The following C4orf50 variants were observed in gnomAD, a reference collection of about 807,000 sequenced individuals.
C4orf50 encodes uncharacterized protein C4orf50.
C4orf50 carries 80 observed loss-of-function variants against 77.2 expected under a neutral mutation model. The ratio of observed to expected loss-of-function variants is 1.04; its 90% CI spans 0.87 to 1.25. C4orf50 has a LOEUF of 1.25. Among genes scored for constraint, C4orf50 ranks in the 50% most tolerant of loss-of-function variants. The pLI, the probability that C4orf50 is intolerant of heterozygous loss-of-function variation, is 0.00. For synonymous variants in C4orf50, 532 were observed against 465.3 expected, an observed-to-expected ratio of 1.14 and a Z score of -1.84; for missense variants, 1,257 against 1,152.9, an observed-to-expected ratio of 1.09 and a Z score of -1.31.
chr4:5,991,787 C>A (rs959565107), intron 27 of C4orf50, among the ~76,000 whole-genome samples: 6 of 152,134 alleles, frequency 3.9e-5, no homozygotes, highest in African/African-American at 1.4e-4. Context: ...GGGTGACATA[C>A]CAGCAGCAGA....
intron 7 of C4orf50, among the ~76,000 whole-genome samples, chr4:5,933,744 C>G (rs542540896): frequency 1.3e-5 from 2 of 152,150 alleles, no homozygotes; most frequent in African/African-American, 4.8e-5. Context: ...AAGGTCCCCT[C>G]TGGCCCAGAC....
chr4:5,974,073 T>C (rs1720109854), intron 30 of C4orf50, among the ~76,000 whole-genome samples: 1 of 152,038 alleles, frequency 6.6e-6, no homozygotes, highest in Admixed American at 6.5e-5. Flanking sequence ...TTCCATGGGG[T>C]CTAGGCTCAA....
Position 6,009,781 on chromosome 4 carries a change from T to C in C4orf50, c.427-1249A>G, listed in dbSNP as rs1722412011. ...CAAAACTCGCTTCAAAATACAGATG[T>C]TTGCAGCGAGAGATTTAGGGTTAGA... On this transcript the variant is annotated intron_variant, in intron 24 of 33. Transcript: ENST00000531445. The surrounding 1 kb of genome is among the most constrained non-coding windows in gnomAD (Gnocchi z 5.6). Among the ~76,000 whole-genome samples, 1 of 152,184 alleles carries C rather than the reference T, an allele frequency of 6.6e-6. No individual in the cohort carries two copies. Among genetic ancestry groups the C allele is most frequent in the Non-Finnish European group, 1.5e-5 (1 of 68,034 alleles).
At chr4:6,004,403 TG>T in intron 25 of C4orf50, among the ~76,000 whole-genome samples, 2 of 91,992 alleles carry the variant, frequency 2.2e-5, no homozygotes, top group African/African-American at 8.0e-5. Flanking sequence ...GTGATGGTGA[TG>T]GAGATGTTGG....
In C4orf50 at chr4:6,011,692, C is replaced by T. The variant is rs763683822; in HGVS notation, c.426+138G>A. 2.7e-4 allele frequency: 108 copies of T among 397,268 alleles called. No individual in the cohort carries two copies. Among genetic ancestry groups the T allele is most frequent in the African/African-American group, 1.5e-3 (72 of 48,750 alleles). 24.6% of individuals were successfully genotyped at this position (397,268 alleles called of 1,614,324 possible). A position where few individuals can be genotyped will look rare whatever the true frequency, so the allele number is the denominator to read the frequency against. On this transcript the variant is annotated intron_variant, in intron 24 of 33. Coordinates refer to ENST00000531445, the Ensembl canonical transcript of C4orf50. This position sits in a 1 kb window ranked among gnomAD's most constrained non-coding sequence, Gnocchi z 4.2. ...CCGCAGTCACGCCATGCACCATGAA[C>T]GTAGGATCTCTCTAACCCTCCTGAC...
At position 5,967,477 on chromosome 4, in the gene C4orf50, A is replaced by C. The variant is rs1309230657; in HGVS notation, c.4105-15T>G. The C allele has an allele frequency of 7.4e-6, 12 of 1,613,132 alleles. No homozygotes were observed. The highest frequency in any genetic ancestry group is 1.0e-5 in the Non-Finnish European group (12 of 1,179,242). ...TGGTGGCTTGTCTGCAAGAAAAGAC[A>C]TCTTGGCGGTTATTCTGCATGGCAC... On this transcript the variant is annotated splice_polypyrimidine_tract_variant and intron_variant, in intron 31 of 33. Transcript: ENST00000531445.
rs1224082127 is a variant in C4orf50, at chr4:6,018,523, C to T, written c.-92G>A. The T allele has an allele frequency of 7.5e-6, 3 of 397,852 alleles. No individual in the cohort carries two copies. Among genetic ancestry groups the T allele is most frequent in the East Asian group, 3.6e-5 (1 of 28,066 alleles). 24.6% of individuals were successfully genotyped at this position (397,852 alleles called of 1,614,324 possible). A position where few individuals can be genotyped will look rare whatever the true frequency, so the allele number is the denominator to read the frequency against. On this transcript the variant is annotated 5_prime_UTR_variant, in exon 23 of 34. Coordinates refer to ENST00000531445, the Ensembl canonical transcript of C4orf50. The surrounding 1 kb of genome is among the most constrained non-coding windows in gnomAD (Gnocchi z 5.1). ...GGAGATTTCAAGGTGGTGTTTGTGA[C>T]TTCAGATTGTTCAGGAAAATATCCT...
chr4:5,969,591 C>T (rs1719784056), intron 31 of C4orf50, among the ~76,000 whole-genome samples: 1 of 151,908 alleles, frequency 6.6e-6, no homozygotes, highest in East Asian at 1.9e-4. Context: ...GGGAGCAAAA[C>T]TGATGTTTTG....
At chr4:6,003,839 A>G (rs1721987243) in intron 25 of C4orf50, among the ~76,000 whole-genome samples, 2 of 17,038 alleles carry the variant, frequency 1.2e-4, no homozygotes, top group Non-Finnish European at 1.0e-4. Flanking sequence ...TGATGATGTG[A>G]TAGTGATGAT....
chr4:5,939,035 A>C (rs1718155205), intron 7 of C4orf50, among the ~76,000 whole-genome samples: 1 of 152,160 alleles, frequency 6.6e-6, no homozygotes, highest in Non-Finnish European at 1.5e-5. Context: ...CGAGGTCAGG[A>C]GTTCAAGACC....
chr4:5,975,766 G>T, intron 30 of C4orf50, 133 bp downstream of exon 8: 1 of 687,574 alleles, frequency 1.5e-6, no homozygotes, highest in Non-Finnish European at 2.6e-6. Flanking sequence ...TGGGATTACA[G>T]GTGTGAGCCA....
At chr4:5,947,027 G>T (rs1662674346) in intron 7 of C4orf50, among the ~76,000 whole-genome samples, 1 of 152,192 alleles carries the variant, frequency 6.6e-6, no homozygotes, top group Admixed American at 6.5e-5. Flanking sequence ...AGCCAGGGAA[G>T]GTCACAGGCT....
chr4:5,987,412 C>CAAAAAAAAAAAAA lies in C4orf50; in HGVS notation c.3699+922_3699+934dup, dbSNP rs58512584. Among the ~76,000 whole-genome samples, 29 of 33,612 alleles carry CAAAAAAAAAAAAA rather than the reference C, an allele frequency of 8.6e-4. 1 individual carries two copies. The highest frequency in any genetic ancestry group is 1.7e-3 in the African/African-American group (19 of 10,916). 22.1% of individuals were successfully genotyped at this position (33,612 alleles called of 152,430 possible). Reference sequence around the variant, plus strand: ...GGTGACAGAGCGAGACTCTGTCTCACAAAAAAAAAAAAAAAAAAAAAAAGA... The same window carrying CAAAAAAAAAAAAA: ...GGTGACAGAGCGAGACTCTGTCTCACAAAAAAAAAAAAAAAAAAAAAAAAAAAAAAAAAAAAGA... On this transcript the variant is annotated intron_variant, in intron 28 of 33. Transcript: ENST00000531445.
At chr4:5,938,209 A>C (rs550348628) in intron 7 of C4orf50, among the ~76,000 whole-genome samples, 1 of 152,258 alleles carries the variant, frequency 6.6e-6, no homozygotes, top group African/African-American at 2.4e-5. Context: ...AAAAAAATGG[A>C]AATTATATGA....
chr4:6,010,871 C>T (rs1484152050), intron 24 of C4orf50, among the ~76,000 whole-genome samples: 2 of 152,204 alleles, frequency 1.3e-5, no homozygotes, highest in Non-Finnish European at 2.9e-5. Context: ...CATTTAAATA[C>T]CTACTGTTGG....
intron 26 of C4orf50, among the ~76,000 whole-genome samples, chr4:5,993,847 T>A (rs926162563): frequency 8.4e-6 from 1 of 118,552 alleles, no homozygotes; most frequent in Non-Finnish European, 1.7e-5. Context: ...TAAAAATAAA[T>A]AAAAATAAAT....
chr4:5,909,490 G>A (rs1402256898), intron 7 of C4orf50, among the ~76,000 whole-genome samples: 1 of 152,016 alleles, frequency 6.6e-6, no homozygotes, highest in Non-Finnish European at 1.5e-5. Context: ...TGTTTCCTTT[G>A]CTGTGCAGGA....
rs978782036 is a variant in C4orf50 at position 5,992,435 on chromosome 4, C to T, written c.1221+368G>A. 8.6e-5 allele frequency among the ~76,000 whole-genome samples: 13 copies of T among 152,026 alleles called. No individual in the cohort carries two copies. The highest frequency in any genetic ancestry group is 7.9e-4 in the Admixed American group (12 of 15,274). On this transcript the variant is annotated intron_variant, in intron 27 of 33. Coordinates refer to ENST00000531445, the Ensembl canonical transcript of C4orf50. The surrounding 1 kb of genome is among the most constrained non-coding windows in gnomAD (Gnocchi z 5.0). ...AGTGTGGGCCGTCGAGCCTGGATCT[C>T]GGGGTCCACCTCCAAGCTGGGGACC...
chr4:6,004,779 ATGGTGATGG>A (rs900067596), intron 25 of C4orf50, among the ~76,000 whole-genome samples: 9 of 145,480 alleles, frequency 6.2e-5, no homozygotes, highest in Admixed American at 2.7e-4. Context: ...GATGACGGCG[ATGGTGATGG>A]TGGTGATGGT....
Sources: allele counts gnomAD v4.1 joint callset (sites outside exome capture counted in the v4.1 genomes callset), GRCh38; gene constraint gnomAD v4.1.1; non-coding constraint Gnocchi (gnomAD v3.1); transcripts MANE v1.5; gene names NCBI Gene and HGNC (gene_info 2026-07-23, HGNC 2026-07-21).